The following PDZD9 variants were observed in gnomAD, a reference collection of about 807,000 sequenced individuals.
PDZD9 encodes PDZ domain containing 9, also known as PDZ domain-containing protein 9.
Under a neutral mutation model 16.3 loss-of-function variants are expected in PDZD9, and 13 were observed. That is an observed-to-expected ratio of 0.80 (90% CI 0.52 to 1.27). PDZD9 has a LOEUF of 1.27. Ranked by LOEUF, PDZD9 falls within the 50% of genes most tolerant of loss-of-function variation. The pLI, the probability that PDZD9 is intolerant of heterozygous loss-of-function variation, is 0.00. For synonymous variants in PDZD9, 120 were observed against 111.0 expected (o/e 1.08, Z -0.51); for missense variants, 288 against 310.9 (o/e 0.93, Z 0.55).
chr16:22,001,065 C>A lies in PDZD9; in HGVS notation c.-18G>T. 1 of 1,521,008 alleles carries A rather than the reference C, an allele frequency of 6.6e-7. No individual in the cohort carries two copies. The highest frequency in any genetic ancestry group is 8.8e-7 in the Non-Finnish European group (1 of 1,140,418). 94.2% of individuals were successfully genotyped at this position (1,521,008 alleles called of 1,614,324 possible). A position where few individuals can be genotyped will look rare whatever the true frequency, so the allele number is the denominator to read the frequency against. On this transcript the variant is annotated 5_prime_UTR_variant, in exon 1 of 4. Transcript: ENST00000424898. Reference sequence around the variant, plus strand: ...TTCTGCATGGTCCCGGGAGGTCAGGCAGCCCGGGAGGGCCTCCCGGAGCAG... The same window carrying A: ...TTCTGCATGGTCCCGGGAGGTCAGGAAGCCCGGGAGGGCCTCCCGGAGCAG...
intron 3 of PDZD9, among the ~76,000 whole-genome samples, chr16:21,987,116 T>G (rs1012081918): frequency 6.6e-6 from 1 of 152,086 alleles, no homozygotes; most frequent in Non-Finnish European, 1.5e-5. Flanking sequence ...AGGATCAGAT[T>G]TGCATTACAA....
At chr16:21,996,863 C>A (rs573836130) in intron 1 of PDZD9, among the ~76,000 whole-genome samples, 1 of 152,254 alleles carries the variant, frequency 6.6e-6, no homozygotes, top group South Asian at 2.1e-4. Flanking sequence ...CACTCTGTTG[C>A]CCAGGCTGGA....
the PDZD9 span, chr16:21,976,270 A>C: frequency 6.4e-7 from 1 of 1,565,208 alleles, no homozygotes; most frequent in South Asian, 1.1e-5. Context: ...ACTGTGTTTT[A>C]TGTTTTTGTT....
the PDZD9 span, chr16:21,965,615 T>C: frequency 1.1e-6 from 1 of 901,998 alleles, no homozygotes; most frequent in South Asian, 2.3e-5. Flanking sequence ...CTTTAAGAAA[T>C]TCAGCGTGCT....
chr16:21,990,154 T>C (rs931736742), intron 2 of PDZD9, among the ~76,000 whole-genome samples: 1 of 152,192 alleles, frequency 6.6e-6, no homozygotes, highest in African/African-American at 2.4e-5. Context: ...TGAGGAACCC[T>C]GGCTGCTACA....
intron 2 of PDZD9, among the ~76,000 whole-genome samples, chr16:21,990,443 C>G (rs560441252): frequency 6.6e-6 from 1 of 152,326 alleles, no homozygotes; most frequent in East Asian, 1.9e-4. Flanking sequence ...GCTCTAGATC[C>G]TATCAGAAAC....
At chr16:21,983,320 C>A, downstream of PDZD9, 1 of 631,374 alleles carries the variant, frequency 1.6e-6, no homozygotes, top group Non-Finnish European at 2.7e-6. Flanking sequence ...TCCCAGCTGA[C>A]CTAAAGTCAA....
At position 21,984,453 on chromosome 16, in the gene PDZD9, A is replaced by G. The variant is rs765683150; in HGVS notation, c.609T>C (p.Asn203=). Residue 203 remains asparagine, a synonymous_variant, in exon 4 of 4, where the codon AAT becomes AAC. Coordinates refer to ENST00000424898, the MANE Select transcript of PDZD9 (RefSeq NM_001363519.1). The part of the protein sequence containing the change: ...NHTISVGKDI[N]CDVMIHRDDK... ...CGTCTCTGTGAATCATCACGTCACA[A>G]TTAATGTCTTTTCCTACACTAATAG... The G allele has an allele frequency of 4.3e-6, 7 of 1,613,902 alleles. No homozygotes were observed. The South Asian group carries it at 6.6e-5, about 15-fold the overall frequency.
the PDZD9 span, among the ~76,000 whole-genome samples, chr16:21,970,801 G>C: frequency 6.6e-6 from 1 of 152,070 alleles, no homozygotes; most frequent in Non-Finnish European, 1.5e-5. Context: ...GGCTGGACTG[G>C]TCTCGAACTC....
chr16:21,989,943 GAC>G (rs1399363828), intron 2 of PDZD9, among the ~76,000 whole-genome samples: 1 of 152,094 alleles, frequency 6.6e-6, no homozygotes, highest in Non-Finnish European at 1.5e-5. Context: ...CCAGCTACTT[GAC>G]ACTCCCACCT....
chr16:21,963,081 C>T, the PDZD9 span: 11 of 503,792 alleles, frequency 2.2e-5, no homozygotes, highest in East Asian at 3.7e-4. Context: ...CTCCAGCTCC[C>T]GGGTTCAAGC....
At chr16:21,957,728 A>G in the PDZD9 span, among the ~76,000 whole-genome samples, 1 of 152,218 alleles carries the variant, frequency 6.6e-6, no homozygotes, top group Non-Finnish European at 1.5e-5. Context: ...ATCCTGTTAC[A>G]GTTCTAGAGG....
the PDZD9 span, among the ~76,000 whole-genome samples, chr16:21,975,116 G>A: frequency 6.6e-6 from 1 of 152,154 alleles, no homozygotes; most frequent in Non-Finnish European, 1.5e-5. Context: ...GAGGAGGTAG[G>A]TATTAGGGTT....
intron 3 of PDZD9, among the ~76,000 whole-genome samples, chr16:21,988,099 C>G (rs1468038868): frequency 6.6e-6 from 1 of 150,920 alleles, no homozygotes; most frequent in Non-Finnish European, 1.5e-5. Flanking sequence ...CCTCCGACTC[C>G]CTGATTCGAG....
At chr16:21,980,447 A>G (rs1597970032), downstream of PDZD9, 1 of 1,301,326 alleles carries the variant, frequency 7.7e-7, no homozygotes, top group Non-Finnish European at 1.1e-6. Flanking sequence ...TACTCTATCC[A>G]TTAAATAAAG....
chr16:21,985,096 A>C (rs1482173279), intron 3 of PDZD9, among the ~76,000 whole-genome samples: 1 of 152,082 alleles, frequency 6.6e-6, no homozygotes, highest in African/African-American at 2.4e-5. Context: ...AGGATCTTCA[A>C]CATCCTAGTC....
In PDZD9 at chr16:21,988,766, A is replaced by T; in HGVS notation, c.237T>A (p.His79Gln). ...GAAGAGTATATCCTAACACATTGGC[A>T]TGGCCAACACTAATCAGAACATCAC... ...QPGDVLISVG[H>Q]ANVLGYTLRE... The change falls in exon 3 of 4, where the codon CAT (histidine) becomes CAA (glutamine). Residue 79 changes from histidine (H) to glutamine (Q), a missense_variant. Physicochemically the swap from His to Gln is conservative, Grantham distance 24 (BLOSUM62 0). Transcript: ENST00000424898. The T allele has an allele frequency of 6.2e-7, 1 of 1,612,338 alleles. No individual in the cohort carries two copies. The highest frequency in any genetic ancestry group is 8.5e-7 in the Non-Finnish European group (1 of 1,179,664).
the PDZD9 span, among the ~76,000 whole-genome samples, chr16:21,971,079 T>C: frequency 1.3e-5 from 2 of 152,172 alleles, no homozygotes; most frequent in Non-Finnish European, 2.9e-5. Context: ...GACAATGCAA[T>C]GTTGTTTTAA....
downstream of PDZD9, chr16:21,980,611 G>A (rs1384782297): frequency 8.1e-6 from 13 of 1,614,050 alleles, no homozygotes; most frequent in East Asian, 2.2e-5. Flanking sequence ...GGAAGAAGTC[G>A]GGTCCCAGGC....
Sources: gnomAD v4.1 joint callset for allele counts (sites outside exome capture counted in the v4.1 genomes callset) on GRCh38, gnomAD v4.1.1 for gene constraint, MANE v1.5 for transcripts, NCBI Gene and HGNC (gene_info 2026-07-23, HGNC 2026-07-21) for gene names.